SPIRE1: variants seen among roughly 807,000 people sequenced by gnomAD.
SPIRE1 encodes protein spire homolog 1.
Under a neutral mutation model 94.1 loss-of-function variants are expected in SPIRE1, and 40 were observed. The ratio of observed to expected loss-of-function variants is 0.43; its 90% CI spans 0.33 to 0.55. The LOEUF is 0.55. Among genes scored for constraint, SPIRE1 ranks in the 20% least tolerant of loss-of-function variants. The pLI, the probability that SPIRE1 is intolerant of heterozygous loss-of-function variation, is 0.06. For synonymous variants in SPIRE1, 376 were observed against 371.7 expected, an observed-to-expected ratio of 1.01 and a Z score of -0.13; for missense variants, 838 against 975.2, an observed-to-expected ratio of 0.86 and a Z score of 1.87.
At chr18:12,583,678 C>T (rs1380008684) in intron 2 of SPIRE1, among the ~76,000 whole-genome samples, 2 of 152,056 alleles carry the variant, frequency 1.3e-5, no homozygotes, top group Admixed American at 6.6e-5. Flanking sequence ...AATCCTAGCA[C>T]TTTTGGGAGG....
rs1188805600 is a variant in SPIRE1, at chr18:12,493,090, TCTC to T, written c.1168_1170del (p.Glu390del). The T allele has an allele frequency of 2.5e-6, 4 of 1,612,480 alleles. No individual in the cohort carries two copies. In the African/African-American group the frequency reaches 4.0e-5, roughly 16 times the overall value. ...GACTCACCTAATCTGCTACGTCTAA[TCTC>T]CTCTGGTGATACAGGCCGCAGCTTT... On this transcript the variant is annotated inframe_deletion, in exon 8 of 17. Coordinates refer to ENST00000409402, the MANE Select transcript of SPIRE1 (RefSeq NM_001128626.2).
intron 10 of SPIRE1, among the ~76,000 whole-genome samples, chr18:12,471,710 C>G (rs542646627): frequency 6.6e-6 from 1 of 152,304 alleles, no homozygotes; most frequent in South Asian, 2.1e-4. Context: ...GTTAGACAGA[C>G]TTGGGTTTCA....
chr18:12,655,685 A>T (rs1242611097), intron 1 of SPIRE1, among the ~76,000 whole-genome samples: 1 of 149,048 alleles, frequency 6.7e-6, no homozygotes, highest in Non-Finnish European at 1.5e-5. Flanking sequence ...ATTCAACATA[A>T]GATTCAGACC....
intron 4 of SPIRE1, among the ~76,000 whole-genome samples, chr18:12,527,078 C>T (rs2034544418): frequency 6.6e-6 from 1 of 152,124 alleles, no homozygotes; most frequent in African/African-American, 2.4e-5. Context: ...CTCTGACAGC[C>T]AGCATCTCTC....
intron 1 of SPIRE1, among the ~76,000 whole-genome samples, chr18:12,638,608 T>C (rs998487928): frequency 1.3e-5 from 2 of 152,194 alleles, no homozygotes; most frequent in African/African-American, 4.8e-5. Flanking sequence ...ATTCTAATCC[T>C]CTTGATATGG....
chr18:12,500,770 A>G (rs993275350), intron 6 of SPIRE1, among the ~76,000 whole-genome samples: 7 of 152,180 alleles, frequency 4.6e-5, no homozygotes, highest in African/African-American at 1.7e-4. Flanking sequence ...CTGTATAGCC[A>G]TAAGAAGAAG....
chr18:12,546,405 G>A (rs962764530), intron 3 of SPIRE1, among the ~76,000 whole-genome samples: 1 of 152,132 alleles, frequency 6.6e-6, no homozygotes, highest in Non-Finnish European at 1.5e-5. Flanking sequence ...GGCCAAGGCA[G>A]GAGAATCACT....
chr18:12,482,292 G>A (rs956950275), intron 9 of SPIRE1, among the ~76,000 whole-genome samples: 2 of 152,120 alleles, frequency 1.3e-5, no homozygotes, highest in Non-Finnish European at 2.9e-5. Flanking sequence ...ACAGGCATGT[G>A]CCACCACGCC....
At chr18:12,550,180 T>G (rs993733833) in intron 2 of SPIRE1, among the ~76,000 whole-genome samples, 1 of 152,150 alleles carries the variant, frequency 6.6e-6, no homozygotes, top group African/African-American at 2.4e-5. Flanking sequence ...TACCCTCCAG[T>G]GCAATCCCAT....
At chr18:12,606,483 C>G (rs111384103) in intron 2 of SPIRE1, among the ~76,000 whole-genome samples, 11,753 of 151,802 alleles carry the variant, frequency 0.077, 621 homozygotes, top group Middle Eastern at 0.16. Flanking sequence ...GTTTCTAAAG[C>G]TGCTCACTTT....
intron 2 of SPIRE1, among the ~76,000 whole-genome samples, chr18:12,634,266 A>T (rs1567981681): frequency 7.3e-6 from 1 of 136,754 alleles, no homozygotes; most frequent in East Asian, 2.3e-4. Flanking sequence ...AATAAAAAAA[A>T]AAAAAAATAA....
chr18:12,546,954 A>G (rs747526918), intron 2 of SPIRE1, 50 bp from the exon 3 acceptor site: 1 of 1,327,180 alleles, frequency 7.5e-7, no homozygotes, highest in Non-Finnish European at 1.1e-6. Context: ...AGAGCTTTCT[A>G]GGACTAATTG....
At chr18:12,639,340 A>C (rs2038022748) in intron 1 of SPIRE1, among the ~76,000 whole-genome samples, 1 of 152,156 alleles carries the variant, frequency 6.6e-6, no homozygotes, top group East Asian at 1.9e-4. Flanking sequence ...TGGTGCAGTA[A>C]AACAGAAGTG....
At chr18:12,617,002 G>C (rs1248213621) in intron 2 of SPIRE1, among the ~76,000 whole-genome samples, 7 of 141,498 alleles carry the variant, frequency 4.9e-5, no homozygotes, top group East Asian at 4.4e-4. Flanking sequence ...TGGGATTACA[G>C]GCGCCCACCA....
chr18:12,522,538 T>C (rs2034392164), intron 4 of SPIRE1, among the ~76,000 whole-genome samples: 1 of 152,228 alleles, frequency 6.6e-6, no homozygotes, highest in Non-Finnish European at 1.5e-5. Context: ...AAACAACATA[T>C]TTTCAATGTA....
intron 6 of SPIRE1, among the ~76,000 whole-genome samples, chr18:12,499,340 C>T (rs2033575363): frequency 6.6e-6 from 1 of 152,140 alleles, no homozygotes; most frequent in Admixed American, 6.5e-5. Flanking sequence ...TTTTTGTACT[C>T]TGAATTCTGT....
intron 2 of SPIRE1, among the ~76,000 whole-genome samples, chr18:12,581,012 T>C (rs2036244354): frequency 2.0e-5 from 3 of 152,180 alleles, no homozygotes; most frequent in East Asian, 1.9e-4. Flanking sequence ...GAGTATGTAT[T>C]ATTAGGTCTG....
At chr18:12,610,670 C>T (rs2037113920) in intron 2 of SPIRE1, among the ~76,000 whole-genome samples, 1 of 152,122 alleles carries the variant, frequency 6.6e-6, no homozygotes, top group Admixed American at 6.6e-5. Context: ...ATTCATGACC[C>T]TGAATCTTGT....
chr18:12,562,925 C>T (rs954961678), intron 2 of SPIRE1, among the ~76,000 whole-genome samples: 2 of 152,060 alleles, frequency 1.3e-5, no homozygotes, highest in African/African-American at 2.4e-5. Context: ...CTTCTTTATA[C>T]ACCCATTAAA....
Sources: gnomAD v4.1 joint callset for allele counts (sites outside exome capture counted in the v4.1 genomes callset) on GRCh38, gnomAD v4.1.1 for gene constraint, MANE v1.5 for transcripts, NCBI Gene and HGNC (gene_info 2026-07-23, HGNC 2026-07-21) for gene names.